Variants in GALNT10 observed in about 807,000 individuals in gnomAD.
GALNT10 encodes polypeptide N-acetylgalactosaminyltransferase 10.
In GALNT10, 41 loss-of-function variants were observed where a neutral mutation model predicts 75.0. The ratio of observed to expected loss-of-function variants is 0.55; its 90% confidence interval spans 0.43 to 0.71. GALNT10 has a LOEUF of 0.71. GALNT10 is among the 30% of genes least tolerant of loss of function. GALNT10 has a pLI of 0.00. For missense variants in GALNT10, 727 were observed against 818.5 expected (o/e 0.89, Z 1.36); for synonymous variants, 302 against 313.0 (o/e 0.96, Z 0.37).
chr5:154,190,772 C>T lies in GALNT10; in HGVS notation c.-95C>T, dbSNP rs959769524. The T allele has an allele frequency of 3.4e-5, 17 of 499,266 alleles. No homozygotes were observed. The highest frequency in any genetic ancestry group is 4.1e-5 in the Non-Finnish European group (16 of 388,348). 30.9% of individuals were successfully genotyped at this position (499,266 alleles called of 1,614,324 possible). On this transcript the variant is annotated 5_prime_UTR_variant, in exon 1 of 12. Transcript: ENST00000297107. ...CCGGCGCCGCAGCCGCTTCTGCTGG[C>T]TGAGCTGCTGCCGCCGCCGGGCGGA... is the stretch of plus-strand genomic sequence containing the variant.
intron 8 of GALNT10, among the ~76,000 whole-genome samples, chr5:154,407,806 C>A (rs996734199): frequency 3.3e-5 from 5 of 152,160 alleles, no homozygotes; most frequent in Admixed American, 6.6e-5. Flanking sequence ...TGTTTTCTAA[C>A]CCACTGTGGA....
chr5:154,242,933 C>G (rs1360687214), intron 1 of GALNT10, among the ~76,000 whole-genome samples: 2 of 152,202 alleles, frequency 1.3e-5, no homozygotes, highest in Non-Finnish European at 2.9e-5. Context: ...TTTGGCATGT[C>G]TTTTGATTCT....
chr5:154,302,484 G>A (rs1398463584), intron 3 of GALNT10, among the ~76,000 whole-genome samples: 2 of 152,228 alleles, frequency 1.3e-5, no homozygotes, highest in Non-Finnish European at 2.9e-5. Context: ...TGGGCTGCTT[G>A]GCAACTGAGC....
intron 1 of GALNT10, among the ~76,000 whole-genome samples, chr5:154,250,032 T>C (rs1561640815): frequency 1.3e-5 from 2 of 152,324 alleles, no homozygotes; most frequent in East Asian, 3.9e-4. Flanking sequence ...GCACAGCTGG[T>C]GTTTTCTGCA....
chr5:154,260,524 T>A (rs146404284), intron 1 of GALNT10, among the ~76,000 whole-genome samples: 21 of 152,300 alleles, frequency 1.4e-4, no homozygotes, highest in African/African-American at 4.8e-4. Flanking sequence ...TTTATGACAG[T>A]GGCAGAATCC....
At chr5:154,344,281 G>A (rs943235750) in intron 4 of GALNT10, among the ~76,000 whole-genome samples, 6 of 147,560 alleles carry the variant, frequency 4.1e-5, no homozygotes, top group African/African-American at 1.5e-4. Flanking sequence ...GCATGATCTC[G>A]GCTCACTGCA....
chr5:154,332,494 T>C (rs1025251324), intron 4 of GALNT10, among the ~76,000 whole-genome samples: 1 of 152,198 alleles, frequency 6.6e-6, no homozygotes, highest in African/African-American at 2.4e-5. Flanking sequence ...CATCCCATCA[T>C]CATTTAGGCT....
rs1441443624 is a variant in GALNT10, at chr5:154,257,974, G to A, written c.160-36842G>A. 2.6e-5 allele frequency among the ~76,000 whole-genome samples: 4 copies of A among 152,142 alleles called. No individual in the cohort carries two copies. The East Asian group carries it at 7.7e-4, about 29-fold the overall frequency. On this transcript the variant is annotated intron_variant, in intron 1 of 11. Coordinates refer to ENST00000297107, the MANE Select transcript of GALNT10 (RefSeq NM_198321.4). ...TGAGCCTTTTTGCATCATGCTTCTA[G>A]AAGTTAAGGTATATGTCAGCAGGTA...
rs555901561 is a variant in GALNT10, at chr5:154,228,044, C to T, written c.159+37019C>T. The stretch of plus-strand genomic sequence containing the variant: ...ACCTCCCCTCCCAGCCATTTTCTCT[C>T]GCTCCTACATTCTCCATGTGATGTG... On this transcript the variant is annotated intron_variant, in intron 1 of 11. Transcript: ENST00000297107. Among the ~76,000 whole-genome samples the T allele has an allele frequency of 1.2e-4, 18 of 152,190 alleles. No homozygotes were observed. The South Asian group carries it at 3.1e-3, about 26-fold the overall frequency.
intron 3 of GALNT10, among the ~76,000 whole-genome samples, chr5:154,316,428 T>C (rs1326588123): frequency 6.6e-6 from 1 of 152,184 alleles, no homozygotes; most frequent in Admixed American, 6.5e-5. Context: ...CCAGTTCAAC[T>C]CAGCAACTAT....
At chr5:154,315,365 C>T (rs1754581181) in intron 3 of GALNT10, among the ~76,000 whole-genome samples, 1 of 152,186 alleles carries the variant, frequency 6.6e-6, no homozygotes, top group Non-Finnish European at 1.5e-5. Context: ...GAGGTGGAGC[C>T]ACGGCACAGA....
rs1210641196 is a variant in GALNT10, at chr5:154,190,734, A to G, written c.-133A>G. 13 of 226,042 alleles carry G rather than the reference A, an allele frequency of 5.8e-5. No homozygotes were observed. In the South Asian group the frequency reaches 8.4e-4, roughly 15 times the overall value. 14.0% of individuals were successfully genotyped at this position (226,042 alleles called of 1,614,324 possible). A position where few individuals can be genotyped will look rare whatever the true frequency, so the allele number is the denominator to read the frequency against. On this transcript the variant is annotated 5_prime_UTR_variant, in exon 1 of 12. Coordinates refer to ENST00000297107, the MANE Select transcript of GALNT10 (RefSeq NM_198321.4). The stretch of plus-strand genomic sequence containing the variant: ...CCGGCGAGCGGCGGAAGTGCCGCGG[A>G]GTTGGAGCGGGGCCGGCGCCGCAGC...
chr5:154,217,448 G>A (rs1752892098), intron 1 of GALNT10, among the ~76,000 whole-genome samples: 1 of 152,188 alleles, frequency 6.6e-6, no homozygotes, highest in African/African-American at 2.4e-5. Flanking sequence ...GGGGGCACTT[G>A]AGTGCTGTGG....
At chr5:154,406,003 G>C (rs1483563421) in intron 8 of GALNT10, 3 of 151,516 alleles carry the variant, frequency 2.0e-5, no homozygotes, top group African/African-American at 7.3e-5. Flanking sequence ...AATTCCCTTC[G>C]AGCCAGGCAT....
chr5:154,377,825 T>C (rs538780151), intron 5 of GALNT10, among the ~76,000 whole-genome samples: 5 of 152,002 alleles, frequency 3.3e-5, no homozygotes, highest in African/African-American at 1.2e-4. Flanking sequence ...CCAAGAGATA[T>C]TCTGCATTTA....
In GALNT10 at chr5:154,281,011, T is replaced by C. The variant is rs142540176; in HGVS notation, c.160-13805T>C. On this transcript the variant is annotated intron_variant, in intron 1 of 11. Transcript: ENST00000297107. Reference sequence around the variant, plus strand: ...GGGCCACTCTCTGTTGGTCACTGTATCCCAGGAGTGCCTTGAAATTAGGAC... The same window carrying C: ...GGGCCACTCTCTGTTGGTCACTGTACCCCAGGAGTGCCTTGAAATTAGGAC... Among the ~76,000 whole-genome samples the C allele has an allele frequency of 1.3e-3, 203 of 152,330 alleles. 1 individual carries two copies. The highest frequency in any genetic ancestry group is 4.5e-3 in the African/African-American group (188 of 41,582).
chr5:154,411,163 G>C (rs1420218252), intron 9 of GALNT10, among the ~76,000 whole-genome samples: 1 of 152,164 alleles, frequency 6.6e-6, no homozygotes, highest in Non-Finnish European at 1.5e-5. Context: ...AAAATGGGGG[G>C]AATATATTGT....
intron 4 of GALNT10, among the ~76,000 whole-genome samples, chr5:154,362,178 A>G (rs970403324): frequency 1.3e-5 from 2 of 152,288 alleles, no homozygotes; most frequent in African/African-American, 4.8e-5. Context: ...CATTCCAACA[A>G]TGGACACTGG....
At chr5:154,367,068 A>AT (rs1206011040) in intron 4 of GALNT10, among the ~76,000 whole-genome samples, 2 of 152,316 alleles carry the variant, frequency 1.3e-5, no homozygotes, top group Admixed American at 1.3e-4. Flanking sequence ...CATGTCCAGG[A>AT]TTTTAACAAA....
Sources: allele counts gnomAD v4.1 joint callset (sites outside exome capture counted in the v4.1 genomes callset), GRCh38; gene constraint gnomAD v4.1.1; transcripts MANE v1.5; gene names NCBI Gene and HGNC (gene_info 2026-07-23, HGNC 2026-07-21).